The following RASAL2 variants were observed in gnomAD, a reference collection of about 807,000 sequenced individuals.
The protein encoded by RASAL2 is RAS protein activator like 2, also known as ras GTPase-activating protein nGAP.
A neutral mutation model predicts 128.9 loss-of-function variants in RASAL2; 58 were observed. That is an observed-to-expected ratio of 0.45 (90% CI 0.36 to 0.56). The LOEUF (loss-of-function observed/expected upper bound fraction) is 0.56. RASAL2 is among the 20% of genes least tolerant of loss of function. The pLI, the probability that RASAL2 is intolerant of heterozygous loss-of-function variation, is 0.00. For missense variants in RASAL2, 1,360 were observed against 1,601.6 expected (o/e 0.85, Z 2.57); for synonymous variants, 561 against 580.8 (o/e 0.97, Z 0.49).
chr1:178,349,920 CTTCT>C (rs1670369878), intron 3 of RASAL2, among the ~76,000 whole-genome samples: 2 of 152,096 alleles, frequency 1.3e-5, no homozygotes, highest in African/African-American at 2.4e-5. Flanking sequence ...TGTTAATATC[CTTCT>C]TTGTCTTTAC....
intron 1 of RASAL2, among the ~76,000 whole-genome samples, chr1:178,187,640 A>G (rs6701832): frequency 0.087 from 13,300 of 152,198 alleles, 617 homozygotes; most frequent in Middle Eastern, 0.13. Flanking sequence ...CAATTTTTAC[A>G]TTTTTGATGG....
chr1:178,379,067 A>G (rs1403404694), intron 3 of RASAL2, among the ~76,000 whole-genome samples: 1 of 152,202 alleles, frequency 6.6e-6, no homozygotes, highest in Non-Finnish European at 1.5e-5. Context: ...GGGTATAATT[A>G]TAGAAAATTA....
intron 1 of RASAL2, among the ~76,000 whole-genome samples, chr1:178,161,619 G>GTA (rs1661299288): frequency 6.6e-6 from 1 of 152,012 alleles, no homozygotes; most frequent in Non-Finnish European, 1.5e-5. Context: ...AGTTTTTTGG[G>GTA]TATATGCCTA....
chr1:178,183,972 G>C (rs1662205165), intron 1 of RASAL2, among the ~76,000 whole-genome samples: 1 of 152,160 alleles, frequency 6.6e-6, no homozygotes, highest in Non-Finnish European at 1.5e-5. Flanking sequence ...CAGTTGGTTA[G>C]TATTTTGGAT....
chr1:178,168,813 A>G (rs990725145), intron 1 of RASAL2, among the ~76,000 whole-genome samples: 1 of 152,070 alleles, frequency 6.6e-6, no homozygotes, highest in African/African-American at 2.4e-5. Context: ...TACTGTGTGG[A>G]ATTTTAGAGT....
chr1:178,168,483 T>C (rs1661593016), intron 1 of RASAL2, among the ~76,000 whole-genome samples: 2 of 152,102 alleles, frequency 1.3e-5, no homozygotes, highest in Admixed American at 1.3e-4. Context: ...GGTTTGAAGT[T>C]TGTAATCAGA....
chr1:178,411,669 C>T (rs894869678), intron 4 of RASAL2: 8 of 819,106 alleles, frequency 9.8e-6, no homozygotes, highest in Non-Finnish European at 1.8e-5. Context: ...TTGCAACCTT[C>T]AGTGACACTT....
chr1:178,336,613 A>G (rs768973849), intron 3 of RASAL2, among the ~76,000 whole-genome samples: 38 of 151,798 alleles, frequency 2.5e-4, no homozygotes, highest in Non-Finnish European at 5.2e-4. Context: ...ATAATTATGT[A>G]TGTGTATATA....
chr1:178,361,263 T>G (rs572617828), intron 3 of RASAL2, among the ~76,000 whole-genome samples: 1 of 152,284 alleles, frequency 6.6e-6, no homozygotes, highest in East Asian at 1.9e-4. Context: ...AGAAGGAAAT[T>G]AATGAGTTGA....
chr1:178,215,595 T>C (rs1571643943), intron 1 of RASAL2, among the ~76,000 whole-genome samples: 1 of 152,368 alleles, frequency 6.6e-6, no homozygotes, highest in South Asian at 2.1e-4. Context: ...ATCATCTCAG[T>C]GTACCAGGCA....
chr1:178,206,917 GTAGTCCTAGCACTTT>G (rs1279395961), intron 1 of RASAL2, among the ~76,000 whole-genome samples: 1 of 152,148 alleles, frequency 6.6e-6, no homozygotes, highest in African/African-American at 2.4e-5. Context: ...GCTTACTCCT[GTAGTCCTAGCACTTT>G]GGGAGGCCAA....
chr1:178,117,509 T>G (rs1161315072), intron 1 of RASAL2, among the ~76,000 whole-genome samples: 1 of 152,228 alleles, frequency 6.6e-6, no homozygotes, highest in Admixed American at 6.5e-5. Context: ...ATGGTCTGAA[T>G]GCTGATGTCC....
At chr1:178,241,952 T>C (rs1381527197) in intron 1 of RASAL2, among the ~76,000 whole-genome samples, 2 of 152,228 alleles carry the variant, frequency 1.3e-5, no homozygotes, top group Non-Finnish European at 1.5e-5. Context: ...ATTCAATTTT[T>C]TGCTCATGCA....
At chr1:178,263,871 A>G (rs1665816409) in intron 1 of RASAL2, among the ~76,000 whole-genome samples, 1 of 152,154 alleles carries the variant, frequency 6.6e-6, no homozygotes, top group Non-Finnish European at 1.5e-5. Context: ...GATCTTTGAA[A>G]ATAATTTGTG....
intron 1 of RASAL2, among the ~76,000 whole-genome samples, chr1:178,282,545 T>C (rs10494512): frequency 0.27 from 40,957 of 152,000 alleles, 6,411 homozygotes; most frequent in African/African-American, 0.44. Context: ...GACAAAAATT[T>C]TACAGAAAGC....
intron 4 of RASAL2, among the ~76,000 whole-genome samples, chr1:178,414,489 G>A (rs996453060): frequency 2.0e-5 from 3 of 152,258 alleles, no homozygotes; most frequent in South Asian, 2.1e-4. Context: ...ATGTAGATTC[G>A]TCAGTTGTGA....
At chr1:178,403,814 A>C (rs1321859204) in intron 4 of RASAL2, among the ~76,000 whole-genome samples, 1 of 152,186 alleles carries the variant, frequency 6.6e-6, no homozygotes, top group African/African-American at 2.4e-5. Context: ...TTAAAAATAG[A>C]TTGATAAATT....
At chr1:178,330,377 T>C (rs1460401792) in intron 3 of RASAL2, among the ~76,000 whole-genome samples, 1 of 152,196 alleles carries the variant, frequency 6.6e-6, no homozygotes, top group Non-Finnish European at 1.5e-5. Context: ...TTTATATCTC[T>C]CCTTGGGTGA....
In RASAL2 at chr1:178,473,660, A is replaced by C. The variant is rs1648477978; in HGVS notation, c.*421A>C. On this transcript the variant is annotated 3_prime_UTR_variant, in exon 18 of 18. Coordinates refer to ENST00000367649, the MANE Select transcript of RASAL2 (RefSeq NM_170692.4). The stretch of plus-strand genomic sequence containing the variant: ...TTCAGTAGGTAGAGACCAAGCATCT[A>C]TCTGATAGAAGCACATGGAGTGCAA... 1 of 196,550 alleles carries C rather than the reference A, an allele frequency of 5.1e-6. No individual in the cohort carries two copies. Among genetic ancestry groups the C allele is most frequent in the African/African-American group, 2.4e-5 (1 of 41,988 alleles). 12.2% of individuals were successfully genotyped at this position (196,550 alleles called of 1,614,324 possible). A position where few individuals can be genotyped will look rare whatever the true frequency, so the allele number is the denominator to read the frequency against.
Sources: allele counts gnomAD v4.1 joint callset (sites outside exome capture counted in the v4.1 genomes callset), GRCh38; gene constraint gnomAD v4.1.1; transcripts MANE v1.5; gene names NCBI Gene and HGNC (gene_info 2026-07-23, HGNC 2026-07-21).